The following MPPED1 variants were observed in gnomAD, a reference collection of about 807,000 sequenced individuals.
MPPED1 encodes metallophosphoesterase domain containing 1.
In MPPED1, 16 loss-of-function variants were observed where a neutral mutation model predicts 36.2. That is an observed-to-expected ratio of 0.44 (90% confidence interval 0.30 to 0.67). MPPED1 has a LOEUF of 0.67. MPPED1 is among the 30% of genes least tolerant of loss of function. The pLI is 0.10. For missense variants in MPPED1, 307 were observed against 453.4 expected, an observed-to-expected ratio of 0.68 and a Z score of 2.93; for synonymous variants, 199 against 191.3, an observed-to-expected ratio of 1.04 and a Z score of -0.33.
chr22:43,431,136 G>A (rs918300900), intron 2 of MPPED1, among the ~76,000 whole-genome samples: 3 of 139,852 alleles, frequency 2.1e-5, no homozygotes, highest in Non-Finnish European at 4.6e-5. Context: ...CCGCCTCCCG[G>A]GTTCAAGCGA....
Position 43,502,218 on chromosome 22 carries a change from G to A in MPPED1, c.749-426G>A, listed in dbSNP as rs1328494130. 6.6e-6 allele frequency among the ~76,000 whole-genome samples: 1 copy of A among 152,096 alleles called. No homozygotes were observed. The highest frequency in any genetic ancestry group is 2.4e-5 in the African/African-American group (1 of 41,410). On this transcript the variant is annotated intron_variant, in intron 5 of 6. Coordinates refer to ENST00000443721, the MANE Select transcript of MPPED1 (RefSeq NM_001044370.2). This position sits in a 1 kb window ranked among gnomAD's most constrained non-coding sequence, Gnocchi z 5.5. ...CCTGGGCTGTGTATCAGGACGCCCT[G>A]CTCTGCAACTAACCACCAGGGTGCC...
chr22:43,468,868 C>T (rs970851533), intron 3 of MPPED1, among the ~76,000 whole-genome samples: 1 of 152,094 alleles, frequency 6.6e-6, no homozygotes, highest in African/African-American at 2.4e-5. Context: ...GCTTAGCTTC[C>T]GTTGGGTTGA....
intron 3 of MPPED1, among the ~76,000 whole-genome samples, chr22:43,456,089 T>G (rs1930743378): frequency 1.3e-5 from 2 of 152,240 alleles, no homozygotes; most frequent in Admixed American, 1.3e-4. Flanking sequence ...TCTCTGTGAA[T>G]AGAGACAGTT....
At chr22:43,447,326 T>C (rs748116835) in intron 3 of MPPED1, among the ~76,000 whole-genome samples, 1 of 152,166 alleles carries the variant, frequency 6.6e-6, no homozygotes, top group South Asian at 2.1e-4. Flanking sequence ...AACAAGCCTG[T>C]AGATTTTTTA....
At chr22:43,465,123 G>A (rs1286620675) in intron 3 of MPPED1, among the ~76,000 whole-genome samples, 3 of 152,238 alleles carry the variant, frequency 2.0e-5, no homozygotes, top group Admixed American at 1.3e-4. Flanking sequence ...GGCACGAGGA[G>A]GGGAAAGGCC....
At chr22:43,414,977 C>T (rs1052420907) in intron 1 of MPPED1, among the ~76,000 whole-genome samples, 8 of 152,106 alleles carry the variant, frequency 5.3e-5, no homozygotes, top group East Asian at 1.9e-4. Context: ...CTGGCCTGGG[C>T]GCCTCACCCT....
In MPPED1 at chr22:43,506,955, A is replaced by G. The variant is rs1218883253; in HGVS notation, c.*1339A>G. Reference sequence around the variant, plus strand: ...TTTTTTGCACCCCTTTCCGTTGTACATCTGAGAGAAGGGTGTCACTCCCTC... The same window carrying G: ...TTTTTTGCACCCCTTTCCGTTGTACGTCTGAGAGAAGGGTGTCACTCCCTC... On this transcript the variant is annotated 3_prime_UTR_variant, in exon 7 of 7. Transcript: ENST00000443721. 6.6e-6 allele frequency: 1 copy of G among 152,188 alleles called. No homozygotes were observed. Among genetic ancestry groups the G allele is most frequent in the African/African-American group, 2.4e-5 (1 of 41,446 alleles). The allele number at this position is 152,188 out of a possible 1,614,324, so 9.4% of individuals were successfully genotyped here.
At chr22:43,444,235 T>C (rs1219613752) in intron 3 of MPPED1, among the ~76,000 whole-genome samples, 1 of 151,922 alleles carries the variant, frequency 6.6e-6, no homozygotes, top group Non-Finnish European at 1.5e-5. Context: ...GATAATTATC[T>C]ATTTACAACA....
chr22:43,448,987 C>CTT (rs200304155), intron 3 of MPPED1, among the ~76,000 whole-genome samples: 1 of 150,944 alleles, frequency 6.6e-6, no homozygotes, highest in South Asian at 2.1e-4. Context: ...GCCCCTGACT[C>CTT]TTTTTTTTTA....
chr22:43,503,303 C>T, intron 6 of MPPED1, among the ~76,000 whole-genome samples: 1 of 152,236 alleles, frequency 6.6e-6, no homozygotes, highest in East Asian at 1.9e-4. Flanking sequence ...TAGACCTCAG[C>T]CATCCTCACC....
intron 3 of MPPED1, among the ~76,000 whole-genome samples, chr22:43,471,108 G>A (rs1295880635): frequency 6.6e-6 from 1 of 152,222 alleles, no homozygotes; most frequent in African/African-American, 2.4e-5. Context: ...TCTGCGCTCC[G>A]CCCAATCCCC....
In MPPED1 at chr22:43,425,068, C is replaced by T; in HGVS notation, c.83C>T (p.Ser28Phe). Reference protein sequence around the residue: ...LLPCGLGMAFSQSHVMAARRH... With the variant: ...LLPCGLGMAFFQSHVMAARRH... ...CCCTGCGGCCTGGGCATGGCATTCTCCCAGTCCCACGTGATGGCCGCTCGG... is the reference window on the plus strand; with the variant it reads ...CCCTGCGGCCTGGGCATGGCATTCTTCCAGTCCCACGTGATGGCCGCTCGG... Residue 28 changes from serine (S) to phenylalanine (F), a missense_variant, in exon 2 of 7, where the codon TCC (serine) becomes TTC (phenylalanine). Physicochemically the swap from Ser to Phe is radical, Grantham distance 155. This residue lies in a region of MPPED1 where 169 missense variants were observed against 212.3 expected (regional missense o/e 0.80). Transcript: ENST00000443721. 1 of 1,613,576 alleles carries T rather than the reference C, an allele frequency of 6.2e-7. No individual in the cohort carries two copies. The highest frequency in any genetic ancestry group is 1.3e-5 in the African/African-American group (1 of 75,058).
At chr22:43,495,539 ATGGTGGTGGTGGAGATGG>A (rs1932268663) in intron 4 of MPPED1, among the ~76,000 whole-genome samples, 2 of 12,378 alleles carry the variant, frequency 1.6e-4, no homozygotes, top group African/African-American at 1.1e-3. Flanking sequence ...GGTGGTGGAG[ATGGTGGTGGTGGAGATGG>A]TGGTGGTGGA....
chr22:43,501,578 GGT>G (rs1480821294), intron 5 of MPPED1, among the ~76,000 whole-genome samples: 2 of 152,186 alleles, frequency 1.3e-5, no homozygotes, highest in African/African-American at 2.4e-5. Flanking sequence ...AGGGTGCCGA[GGT>G]GCTGGAGACC....
In MPPED1 at chr22:43,469,778, G is replaced by C. The variant is rs141379289; in HGVS notation, c.407-4958G>C. ...GACACAGAGGTCAGTTGGTGTAAAG[G>C]AGACAGTCAGACCTAGCTAAGGATG... On this transcript the variant is annotated intron_variant, in intron 3 of 6. Transcript: ENST00000443721. 1.8e-3 allele frequency among the ~76,000 whole-genome samples: 281 copies of C among 152,282 alleles called. 2 individuals are homozygous for C. The highest frequency in any genetic ancestry group is 1.2e-3 in the Non-Finnish European group (79 of 68,030).
intron 1 of MPPED1, among the ~76,000 whole-genome samples, chr22:43,416,119 G>A (rs1296565962): frequency 6.6e-6 from 1 of 152,232 alleles, no homozygotes; most frequent in East Asian, 1.9e-4. Context: ...GTGTTTCAGT[G>A]TTCACAGAAG....
chr22:43,500,175 G>GTGGCAGTGATGA lies in MPPED1; in HGVS notation c.748+1828_748+1829insCAGTGATGATGG, dbSNP rs1555904905. ...GGTGGTGGTGGTGATGGTGATGGAG[G>GTGGCAGTGATGA]TGGTGGTGATGGTGATGGAGGTGGT... is the stretch of plus-strand genomic sequence containing the variant. On this transcript the variant is annotated intron_variant, in intron 5 of 6. Coordinates refer to ENST00000443721, the MANE Select transcript of MPPED1 (RefSeq NM_001044370.2). Among the ~76,000 whole-genome samples, 105 of 63,526 alleles carry GTGGCAGTGATGA rather than the reference G, an allele frequency of 1.7e-3. 28 individuals are homozygous for GTGGCAGTGATGA. Among genetic ancestry groups the GTGGCAGTGATGA allele is most frequent in the East Asian group, 3.0e-3 (7 of 2,332 alleles). The allele number at this position is 63,526 out of a possible 152,430, so 41.7% of individuals were successfully genotyped here. A position where few individuals can be genotyped will look rare whatever the true frequency, so the allele number is the denominator to read the frequency against.
chr22:43,457,483 G>C (rs554846796), intron 3 of MPPED1, among the ~76,000 whole-genome samples: 1 of 152,004 alleles, frequency 6.6e-6, no homozygotes, highest in South Asian at 2.1e-4. Context: ...TCTTTTGACT[G>C]TACTGTTTAA....
chr22:43,470,593 C>T (rs576690600), intron 3 of MPPED1, among the ~76,000 whole-genome samples: 1 of 152,234 alleles, frequency 6.6e-6, no homozygotes, highest in East Asian at 1.9e-4. Flanking sequence ...TCCATCCATG[C>T]ATCCATCCAT....
Sources: allele counts gnomAD v4.1 joint callset (sites outside exome capture counted in the v4.1 genomes callset), GRCh38; gene constraint gnomAD v4.1.1; regional missense constraint gnomAD v4.1.1; non-coding constraint Gnocchi (gnomAD v3.1); transcripts MANE v1.5; gene names NCBI Gene and HGNC (gene_info 2026-07-23, HGNC 2026-07-21).